CARD9: variants seen among roughly 807,000 people sequenced by gnomAD.
The protein encoded by CARD9 is caspase recruitment domain family member 9.
Under a neutral mutation model 66.0 loss-of-function variants are expected in CARD9, and 53 were observed. The ratio of observed to expected loss-of-function variants is 0.80; its 90% CI spans 0.64 to 1.01. The LOEUF (loss-of-function observed/expected upper bound fraction) is 1.01, where lower values mean the gene tolerates loss of function less well. CARD9 is among the 50% of genes least tolerant of loss of function. The probability of loss-of-function intolerance (pLI) is 0.00; values close to 1 mark genes in which losing one functional copy is unlikely to be tolerated. For missense variants in CARD9, 769 were observed against 743.2 expected (o/e 1.03, Z -0.40); for synonymous variants, 387 against 313.8 (o/e 1.23, Z -2.47).
At position 136,370,629 on chromosome 9, in the gene CARD9, GCTT is replaced by G; in HGVS notation, c.697_699del (p.Lys233del). On this transcript the variant is annotated inframe_deletion, in exon 5 of 13. Transcript: ENST00000371732. ...GGCCGCTGCTCCATGGCGTGCCTGA[GCTT>G]CAGCGTGTGCTTGCGCTCCACCTTG... 1.2e-6 allele frequency: 2 copies of G among 1,612,768 alleles called. No homozygotes were observed. The highest frequency in any genetic ancestry group is 1.7e-6 in the Non-Finnish European group (2 of 1,179,918).
At position 136,371,383 on chromosome 9, in the gene CARD9, G is replaced by A. The variant is rs141691778; in HGVS notation, c.263C>T (p.Pro88Leu). ...AFLESLELYY[P>L]QLYKKVTGKE... is the part of the protein sequence containing the mutation. ...GCCTGTGACCTTCTTGTACAGCTGC[G>A]GGTAGTAGAGCTCCAGGCTCTCGAG... Residue 88 changes from proline (P) to leucine (L), a missense_variant, in exon 3 of 13, where the codon CCG becomes CTG. By Grantham distance (98) the Pro-to-Leu change is moderately conservative (BLOSUM62 -3). Coordinates refer to ENST00000371732, the MANE Select transcript of CARD9 (RefSeq NM_052813.5). The A allele has an allele frequency of 5.0e-6, 8 of 1,598,284 alleles. No individual in the cohort carries two copies. Among genetic ancestry groups the A allele is most frequent in the Non-Finnish European group, 3.4e-6 (4 of 1,172,842 alleles).
rs779524807 is a variant in CARD9 at position 136,371,314 on chromosome 9, C to T, written c.322+10G>A. 97 of 1,599,644 alleles carry T rather than the reference C, an allele frequency of 6.1e-5. No individual in the cohort carries two copies. Among genetic ancestry groups the T allele is most frequent in the South Asian group, 6.7e-5 (6 of 89,160 alleles). On this transcript the variant is annotated intron_variant, in intron 3 of 12. Coordinates refer to ENST00000371732, the MANE Select transcript of CARD9 (RefSeq NM_052813.5). ...CCTCCCCTGTCGGCCCCGCCTCCCC[C>T]GTCACTCACCGATGATCATGGAGAA...
In CARD9 at chr9:136,369,758, G is replaced by A. The variant is rs1475912007; in HGVS notation, c.1069C>T (p.Arg357Trp). ...CCCCTGCGAGTGCCCACCTGGTCCC[G>A]CTCAATGGCGACCTCCTCCATCTGC... ...LLQMEEVAIE[R>W]DQAIATREEL... is the part of the protein sequence containing the mutation. The change falls in exon 7 of 13, where the codon CGG becomes TGG. Residue 357 changes from arginine (R) to tryptophan (W), a missense_variant. Coordinates refer to ENST00000371732, the MANE Select transcript of CARD9 (RefSeq NM_052813.5). The A allele has an allele frequency of 1.2e-6, 2 of 1,601,086 alleles. No homozygotes were observed. The highest frequency in any genetic ancestry group is 8.5e-7 in the Non-Finnish European group (1 of 1,174,544).
At chr9:136,371,184 CGGT>C in intron 3 of CARD9, 39 bp from the exon 4 acceptor site, 1 of 1,607,046 alleles carries the variant, frequency 6.2e-7, no homozygotes, top group Non-Finnish European at 8.5e-7. Context: ...CCGTGTTCCC[CGGT>C]GGCCCAGCTC....
rs529106963 is a variant in CARD9, at chr9:136,373,637, G to A, written c.-122C>T. 45 of 939,920 alleles carry A rather than the reference G, an allele frequency of 4.8e-5. No individual in the cohort carries two copies. Among genetic ancestry groups the A allele is most frequent in the African/African-American group, 2.1e-4 (12 of 56,458 alleles). 58.2% of individuals were successfully genotyped at this position (939,920 alleles called of 1,614,324 possible). On this transcript the variant is annotated 5_prime_UTR_variant, in exon 1 of 13. Coordinates refer to ENST00000371732, the MANE Select transcript of CARD9 (RefSeq NM_052813.5). ...GGCTGCAGGGAGGGAGGAGCACGCC[G>A]GACGCCTGTGCACTTCCTGATGGGT...
chr9:136,369,023 C>T (rs1319131261), intron 7 of CARD9, among the ~76,000 whole-genome samples: 2 of 152,154 alleles, frequency 1.3e-5, no homozygotes, highest in Non-Finnish European at 2.9e-5. Context: ...TTTCCCCATA[C>T]TGGCCAGGCT....
chr9:136,364,007 A>G lies in CARD9; in HGVS notation c.*295T>C, dbSNP rs1222288443. ...CGCAGCTGTGTTTTCTAACACTAATACAATGCATGCATGTATTGTGTGTTA... is the reference window on the plus strand; with the variant it reads ...CGCAGCTGTGTTTTCTAACACTAATGCAATGCATGCATGTATTGTGTGTTA... On this transcript the variant is annotated 3_prime_UTR_variant, in exon 13 of 13. Transcript: ENST00000371732. 1.9e-5 allele frequency: 25 copies of G among 1,289,658 alleles called. No homozygotes were observed. Among genetic ancestry groups the G allele is most frequent in the Non-Finnish European group, 7.7e-6 (7 of 909,196 alleles). The allele number at this position is 1,289,658 out of a possible 1,614,324, so 79.9% of individuals were successfully genotyped here.
rs190043326 is a variant in CARD9 at position 136,367,193 on chromosome 9, G to A, written c.1311+23C>T. ...CCCCAGGTGAAGGAAGGCCAGCCTC[G>A]TGCTGGCTGGGGTCTCACTCACCTC... On this transcript the variant is annotated intron_variant, in intron 9 of 12. Transcript: ENST00000371732. The A allele has an allele frequency of 2.2e-4, 360 of 1,609,996 alleles. 2 individuals are homozygous for A. The East Asian group carries it at 4.4e-3, about 20-fold the overall frequency.
intron 7 of CARD9, 54 bp from the exon 8 acceptor site, chr9:136,367,882 G>A (rs1833164369): frequency 6.5e-7 from 1 of 1,544,890 alleles, no homozygotes; most frequent in Non-Finnish European, 8.7e-7. Context: ...CTTGCCCTGG[G>A]CCCTCGGCCC....
At chr9:136,364,612 CCTT>C (rs1833072391) in intron 11 of CARD9, 53 bp from the exon 12 acceptor site, 1 of 1,501,314 alleles carries the variant, frequency 6.7e-7, no homozygotes, top group Non-Finnish European at 8.9e-7. Context: ...GGGAACCCGT[CCTT>C]CTCACCCGCC....
chr9:136,370,158 G>T (rs1210261269), intron 6 of CARD9, 136 bp downstream of exon 6: 2 of 1,470,994 alleles, frequency 1.4e-6, no homozygotes, highest in African/African-American at 1.4e-5. Flanking sequence ...CGTCCACTGT[G>T]CCTCCAGGAG....
In CARD9 at chr9:136,371,853, G is replaced by C. The variant is rs528771936; in HGVS notation, c.184+42C>G. On this transcript the variant is annotated intron_variant, in intron 2 of 12. Coordinates refer to ENST00000371732, the MANE Select transcript of CARD9 (RefSeq NM_052813.5). ...GTGCAGCCACCTCCGAGCTGACTCT[G>C]TGGTTGGGTTTGGGGCCTGGGGCCC... 32 of 1,564,748 alleles carry C rather than the reference G, an allele frequency of 2.0e-5. 1 individual carries two copies. The African/African-American group carries it at 3.6e-4, about 18-fold the overall frequency.
chr9:136,371,076 T>C lies in CARD9; in HGVS notation c.392A>G (p.Gln131Arg), dbSNP rs752622733. 1 of 1,612,732 alleles carries C rather than the reference T, an allele frequency of 6.2e-7. No individual in the cohort carries two copies. Among genetic ancestry groups the C allele is most frequent in the Non-Finnish European group, 8.5e-7 (1 of 1,179,950 alleles). The change falls in exon 4 of 13, where the codon CAG (glutamine) becomes CGG (arginine). Residue 131 changes from glutamine to arginine, a missense_variant. Gln to Arg is a conservative substitution (Grantham distance 43). Coordinates refer to ENST00000371732, the MANE Select transcript of CARD9 (RefSeq NM_052813.5). ...GGAGCTCAGCAGCGCGGTCAGGTCC[T>C]GCACCTTCTTCTGCAGCTTCATGAC... ...TEVMKLQKKV[Q>R]DLTALLSSKD... is the part of the protein sequence containing the mutation.
chr9:136,371,513 C>A, intron 2 of CARD9, 52 bp from the exon 3 acceptor site: 1 of 513,570 alleles, frequency 1.9e-6, no homozygotes, highest in Non-Finnish European at 3.4e-6. Flanking sequence ...AGGCAGAGGG[C>A]TGGGGTGGGT....
At chr9:136,372,220 G>T in intron 1 of CARD9, 126 bp from the exon 2 acceptor site, 1 of 1,320,882 alleles carries the variant, frequency 7.6e-7, no homozygotes, top group Non-Finnish European at 1.0e-6. Flanking sequence ...CAGCCCAGGG[G>T]CATCCAGGAG....
intron 1 of CARD9, among the ~76,000 whole-genome samples, chr9:136,372,856 G>A (rs1362040642): frequency 6.6e-6 from 1 of 152,252 alleles, no homozygotes; most frequent in Non-Finnish European, 1.5e-5. Context: ...CTGGCCAGGA[G>A]TGCTGCTGCG....
At chr9:136,369,028 C>T (rs1833193314) in intron 7 of CARD9, among the ~76,000 whole-genome samples, 1 of 152,188 alleles carries the variant, frequency 6.6e-6, no homozygotes, top group Non-Finnish European at 1.5e-5. Context: ...CCATACTGGC[C>T]AGGCTGGTCT....
In CARD9 at chr9:136,367,242, C is replaced by T; in HGVS notation, c.1285G>A (p.Asp429Asn). The change falls in exon 9 of 13, where the codon GAT (aspartate) becomes AAT (asparagine). Residue 429 changes from aspartate to asparagine, a missense_variant. Coordinates refer to ENST00000371732, the MANE Select transcript of CARD9 (RefSeq NM_052813.5). ...TCCTGGGACCTCCTGGGTGAGCCAT[C>T]TTCCAGGTCGGAGCTCTGTGGTCAT... Reference protein sequence around the residue: ...ETLVLSSDLEDGSPRRSQELS... With the variant: ...ETLVLSSDLENGSPRRSQELS... 6.2e-7 allele frequency: 1 copy of T among 1,612,928 alleles called. No homozygotes were observed. The highest frequency in any genetic ancestry group is 8.5e-7 in the Non-Finnish European group (1 of 1,179,878).
chr9:136,370,420 C>G lies in CARD9; in HGVS notation c.825G>C (p.Arg275Ser). Reference protein sequence around the residue: ...EASVQEGKLDRSSPYIQVLEE... With the variant: ...EASVQEGKLDSSSPYIQVLEE... ...CCAGTACCTGGATGTAGGGGCTGCT[C>G]CTGTCCAGCTTCCCCTCCTGAAGGG... The change falls in exon 6 of 13, where the codon AGG becomes AGC. Residue 275 changes from arginine to serine, a missense_variant. Transcript: ENST00000371732. The G allele has an allele frequency of 6.2e-7, 1 of 1,611,032 alleles. No homozygotes were observed. The highest frequency in any genetic ancestry group is 8.5e-7 in the Non-Finnish European group (1 of 1,179,300).
Sources: gnomAD v4.1 joint callset for allele counts (sites outside exome capture counted in the v4.1 genomes callset) on GRCh38, gnomAD v4.1.1 for gene constraint, MANE v1.5 for transcripts, NCBI Gene and HGNC (gene_info 2026-07-23, HGNC 2026-07-21) for gene names.